The following VAPB variants were observed in gnomAD, a reference collection of about 807,000 sequenced individuals.
The protein encoded by VAPB is vesicle-associated membrane protein-associated protein B/C.
In VAPB, 7 loss-of-function variants were observed where a neutral mutation model predicts 25.6. The observed-to-expected ratio is 0.27, with a 90% CI of 0.16 to 0.51. The LOEUF is 0.51. Ranked by LOEUF, VAPB falls within the 20% of genes least tolerant of loss-of-function variation. The pLI, the probability that VAPB is intolerant of heterozygous loss-of-function variation, is 0.97. For missense variants in VAPB, 266 were observed against 301.3 expected, an observed-to-expected ratio of 0.88 and a Z score of 0.87; for synonymous variants, 112 against 109.2, an observed-to-expected ratio of 1.03 and a Z score of -0.16.
At chr20:58,408,277 T>C (rs906224041) in intron 1 of VAPB, among the ~76,000 whole-genome samples, 2 of 152,212 alleles carry the variant, frequency 1.3e-5, no homozygotes, top group African/African-American at 4.8e-5. Flanking sequence ...GAGAATACTT[T>C]ATTAATTTAA....
intron 2 of VAPB, among the ~76,000 whole-genome samples, chr20:58,427,919 GGGAAAGTGATCTGTGATCTGTTAC>G (rs1988841102): frequency 2.8e-5 from 4 of 141,034 alleles, no homozygotes; most frequent in Non-Finnish European, 4.6e-5. Context: ...TATGATGCAG[GGGAAAGTGATCTGTGATCTGTTAC>G]CATTATGATG....
intron 2 of VAPB, among the ~76,000 whole-genome samples, chr20:58,427,633 C>G (rs1399612431): frequency 6.6e-6 from 1 of 151,866 alleles, no homozygotes; most frequent in Non-Finnish European, 1.5e-5. Flanking sequence ...TGAAAGTGAT[C>G]TGTGATCTGT....
chr20:58,405,895 A>G (rs1988218439), intron 1 of VAPB, among the ~76,000 whole-genome samples: 2 of 151,986 alleles, frequency 1.3e-5, no homozygotes, highest in South Asian at 4.1e-4. Flanking sequence ...CTGGGACTAC[A>G]GGCATGTGCC....
intron 5 of VAPB, among the ~76,000 whole-genome samples, chr20:58,443,535 G>A (rs951842089): frequency 2.0e-5 from 3 of 151,244 alleles, no homozygotes; most frequent in Admixed American, 1.3e-4. Context: ...TGATCCACCC[G>A]CCTCAGCCTC....
In VAPB at chr20:58,448,705, C is replaced by G. The variant is rs1568725682; in HGVS notation, c.*4470C>G. ...CGTACCTTATTCAGTTATTTTCACA[C>G]TAAAGTAAGTAGAATTAAGACTGTA... On this transcript the variant is annotated 3_prime_UTR_variant, in exon 6 of 6. Coordinates refer to ENST00000475243, the MANE Select transcript of VAPB (RefSeq NM_004738.5). 6.6e-6 allele frequency: 3 copies of G among 453,664 alleles called. No individual in the cohort carries two copies. Among genetic ancestry groups the G allele is most frequent in the Non-Finnish European group, 1.3e-5 (3 of 226,636 alleles). The allele number at this position is 453,664 out of a possible 1,614,324, so 28.1% of individuals were successfully genotyped here.
At chr20:58,395,201 G>C (rs903464073) in intron 1 of VAPB, among the ~76,000 whole-genome samples, 12 of 149,902 alleles carry the variant, frequency 8.0e-5, no homozygotes, top group Non-Finnish European at 1.6e-4. Context: ...TGCCAGGCTG[G>C]AGTGCAATGG....
At chr20:58,399,457 G>T (rs573510931) in intron 1 of VAPB, among the ~76,000 whole-genome samples, 1 of 151,966 alleles carries the variant, frequency 6.6e-6, no homozygotes, top group Admixed American at 6.5e-5. Context: ...GGTGGCTCAC[G>T]CCTGTAATTC....
At chr20:58,398,971 TAGAGAAAGAGGCTTGAA>T (rs1988030436) in intron 1 of VAPB, among the ~76,000 whole-genome samples, 1 of 151,816 alleles carries the variant, frequency 6.6e-6, no homozygotes, top group Non-Finnish European at 1.5e-5. Context: ...GGAGTGAGAC[TAGAGAAAGAGGCTTGAA>T]AGAGAAATGG....
intron 1 of VAPB, among the ~76,000 whole-genome samples, chr20:58,411,679 T>G (rs1046144065): frequency 1.3e-5 from 2 of 152,178 alleles, no homozygotes; most frequent in Admixed American, 6.5e-5. Context: ...TTTATTTTAT[T>G]TTTATTATTT....
chr20:58,423,301 C>T lies in VAPB; in HGVS notation c.211+4938C>T, dbSNP rs979015669. ...TGGCACATGCCTGTAATCCCAGCTA[C>T]TCATGAAGGCTGAGGCAGGAGAATC... On this transcript the variant is annotated intron_variant, in intron 2 of 5. Coordinates refer to ENST00000475243, the MANE Select transcript of VAPB (RefSeq NM_004738.5). Among the ~76,000 whole-genome samples, 43 of 151,368 alleles carry T rather than the reference C, an allele frequency of 2.8e-4. No individual in the cohort carries two copies. The East Asian group carries it at 8.4e-3, about 30-fold the overall frequency.
intron 2 of VAPB, among the ~76,000 whole-genome samples, chr20:58,424,834 TGGAAAA>T (rs766285242): frequency 6.1e-4 from 93 of 152,214 alleles, no homozygotes; most frequent in Non-Finnish European, 1.6e-4. Flanking sequence ...ATACACGAAC[TGGAAAA>T]TCCTGTAGAG....
rs1989244849 is a variant in VAPB, at chr20:58,444,827, T to C, written c.*592T>C. On this transcript the variant is annotated 3_prime_UTR_variant, in exon 6 of 6. Coordinates refer to ENST00000475243, the MANE Select transcript of VAPB (RefSeq NM_004738.5). ...TAAGTGAGAGGCGTGTGTTGACTGA[T>C]TGACCCAGCGCTTTGGAAATAAATG... 2.2e-6 allele frequency: 1 copy of C among 454,618 alleles called. No individual in the cohort carries two copies. The highest frequency in any genetic ancestry group is 1.6e-5 in the South Asian group (1 of 64,484). The allele number at this position is 454,618 out of a possible 1,614,324, so 28.2% of individuals were successfully genotyped here. A position where few individuals can be genotyped will look rare whatever the true frequency, so the allele number is the denominator to read the frequency against.
chr20:58,393,091 T>G (rs925311806), intron 1 of VAPB, among the ~76,000 whole-genome samples: 4 of 152,292 alleles, frequency 2.6e-5, no homozygotes, highest in Admixed American at 1.3e-4. Flanking sequence ...TGGAGGGCAG[T>G]GGTGCCATCA....
chr20:58,398,643 G>A (rs1988021475), intron 1 of VAPB, among the ~76,000 whole-genome samples: 1 of 152,166 alleles, frequency 6.6e-6, no homozygotes, highest in Non-Finnish European at 1.5e-5. Context: ...TTGGGTGTTC[G>A]ATCTCACAGG....
intron 1 of VAPB, among the ~76,000 whole-genome samples, chr20:58,400,364 G>T (rs1253558439): frequency 6.6e-6 from 1 of 152,150 alleles, no homozygotes; most frequent in Non-Finnish European, 1.5e-5. Context: ...ATTTCCCACA[G>T]CACCTACTGG....
Position 58,450,967 on chromosome 20 carries a change from A to G in VAPB, c.*6732A>G, listed in dbSNP as rs1455990520. 2.2e-6 allele frequency: 1 copy of G among 453,966 alleles called. No individual in the cohort carries two copies. The highest frequency in any genetic ancestry group is 4.4e-6 in the Non-Finnish European group (1 of 226,772). 28.1% of individuals were successfully genotyped at this position (453,966 alleles called of 1,614,324 possible). ...GATGTATTTCTGCAGGGTCCAGACCAAAAGAGCCATTTACAGCATGTTCTC... is the reference window on the plus strand; with the variant it reads ...GATGTATTTCTGCAGGGTCCAGACCGAAAGAGCCATTTACAGCATGTTCTC... On this transcript the variant is annotated 3_prime_UTR_variant, in exon 6 of 6. Transcript: ENST00000475243.
intron 1 of VAPB, among the ~76,000 whole-genome samples, chr20:58,410,851 G>A (rs1006728764): frequency 6.6e-6 from 1 of 152,110 alleles, no homozygotes; most frequent in Non-Finnish European, 1.5e-5. Flanking sequence ...AGGCTCCTCC[G>A]TGTCTTTTCA....
At position 58,448,625 on chromosome 20, in the gene VAPB, G is replaced by A. The variant is rs1989356070; in HGVS notation, c.*4390G>A. 2.2e-6 allele frequency: 1 copy of A among 453,978 alleles called. No homozygotes were observed. The highest frequency in any genetic ancestry group is 4.4e-6 in the Non-Finnish European group (1 of 226,798). The allele number at this position is 453,978 out of a possible 1,614,324, so 28.1% of individuals were successfully genotyped here. The stretch of plus-strand genomic sequence containing the variant: ...ATCTGCTTCAGGGAAGTGAGTGGAT[G>A]AGGCCTTCCTGCCTCAGCTACTCTG... On this transcript the variant is annotated 3_prime_UTR_variant, in exon 6 of 6. Coordinates refer to ENST00000475243, the MANE Select transcript of VAPB (RefSeq NM_004738.5).
At position 58,441,067 on chromosome 20, in the gene VAPB, A is replaced by G. The variant is rs1462436927; in HGVS notation, c.557A>G (p.Glu186Gly). 1.2e-6 allele frequency: 2 copies of G among 1,613,934 alleles called. No homozygotes were observed. Among genetic ancestry groups the G allele is most frequent in the African/African-American group, 2.7e-5 (2 of 74,928 alleles). The change falls in exon 5 of 6, where the codon GAG (glutamate) becomes GGG (glycine). Residue 186 changes from glutamate (E) to glycine (G), a missense_variant. Transcript: ENST00000475243. ...GGTGAAGTTCAGAGGCTACGGGAGG[A>G]GAACAAGCAGTTCAAGGTAATAGTT... ...LQGEVQRLRE[E>G]NKQFKEEDGL...
Sources: allele counts gnomAD v4.1 joint callset (sites outside exome capture counted in the v4.1 genomes callset), GRCh38; gene constraint gnomAD v4.1.1; transcripts MANE v1.5; gene names NCBI Gene and HGNC (gene_info 2026-07-23, HGNC 2026-07-21).